TRPC6: variants seen among roughly 807,000 people sequenced by gnomAD.
TRPC6 encodes transient receptor potential cation channel subfamily C member 6.
A neutral mutation model predicts 90.7 loss-of-function variants in TRPC6; 55 were observed. The ratio of observed to expected loss-of-function variants is 0.61; its 90% CI spans 0.49 to 0.76. The LOEUF (loss-of-function observed/expected upper bound fraction) is 0.76, where lower values mean the gene tolerates loss of function less well. TRPC6 is among the 30% of genes least tolerant of loss of function. The pLI is 0.00. For synonymous variants in TRPC6, 393 were observed against 393.0 expected (o/e 1.00, Z 0.00); for missense variants, 989 against 1,122.7 (o/e 0.88, Z 1.70).
intron 1 of TRPC6, among the ~76,000 whole-genome samples, chr11:101,557,629 CA>C (rs1555012427): frequency 7.4e-6 from 1 of 134,578 alleles, no homozygotes; most frequent in African/African-American, 2.7e-5. Flanking sequence ...CACACACACA[CA>C]AAAAAAAACC....
At chr11:101,495,716 T>C (rs1355001210) in intron 2 of TRPC6, among the ~76,000 whole-genome samples, 2 of 151,472 alleles carry the variant, frequency 1.3e-5, no homozygotes, top group Non-Finnish European at 2.9e-5. Context: ...TAGAAAGTCA[T>C]GTTGGAATTC....
intron 1 of TRPC6, among the ~76,000 whole-genome samples, chr11:101,522,213 G>A (rs1860678709): frequency 1.3e-5 from 2 of 152,154 alleles, no homozygotes; most frequent in African/African-American, 4.8e-5. Flanking sequence ...CCTGGTAGGA[G>A]GTGATCAAAT....
chr11:101,570,708 CT>C (rs1861943590), intron 1 of TRPC6, among the ~76,000 whole-genome samples: 1 of 152,160 alleles, frequency 6.6e-6, no homozygotes, highest in Non-Finnish European at 1.5e-5. Flanking sequence ...GGATGCAAGG[CT>C]GGTTCAACAT....
intron 2 of TRPC6, among the ~76,000 whole-genome samples, chr11:101,498,682 G>C (rs1165489099): frequency 6.6e-6 from 1 of 152,150 alleles, no homozygotes; most frequent in Non-Finnish European, 1.5e-5. Context: ...CCCATTCTCT[G>C]TCATAAAATA....
intron 1 of TRPC6, among the ~76,000 whole-genome samples, chr11:101,515,039 G>A (rs1860485787): frequency 6.6e-6 from 1 of 152,190 alleles, no homozygotes; most frequent in East Asian, 1.9e-4. Context: ...ACAGCATCAA[G>A]GATAGCAGTT....
intron 1 of TRPC6, among the ~76,000 whole-genome samples, chr11:101,545,101 C>T (rs1861271691): frequency 6.6e-6 from 1 of 152,072 alleles, no homozygotes; most frequent in East Asian, 1.9e-4. Context: ...AGTCTTTATA[C>T]ACACACACAT....
At chr11:101,458,787 G>A (rs567996912) in intron 10 of TRPC6, among the ~76,000 whole-genome samples, 6 of 152,176 alleles carry the variant, frequency 3.9e-5, no homozygotes, top group Non-Finnish European at 7.4e-5. Flanking sequence ...GGTGCACCTG[G>A]AGCAGATGTG....
chr11:101,549,740 AAAAT>A (rs1159537989), intron 1 of TRPC6, among the ~76,000 whole-genome samples: 3 of 151,326 alleles, frequency 2.0e-5, no homozygotes, highest in Non-Finnish European at 4.4e-5. Context: ...AAAATGTCAA[AAAAT>A]AAATAAAATA....
intron 1 of TRPC6, 28 bp downstream of exon 1, chr11:101,583,306 C>A: frequency 1.3e-6 from 2 of 1,557,372 alleles, no homozygotes; most frequent in East Asian, 4.8e-5. Context: ...AGCCCGCGCC[C>A]GATCCGCCCC....
intron 4 of TRPC6, 76 bp from the exon 5 acceptor site, chr11:101,483,241 G>A: frequency 1.4e-6 from 2 of 1,407,076 alleles, no homozygotes; most frequent in Non-Finnish European, 2.0e-6. Context: ...ATACATGCAA[G>A]AATAAACATC....
intron 11 of TRPC6, among the ~76,000 whole-genome samples, chr11:101,454,613 T>C (rs1357389124): frequency 6.6e-6 from 1 of 151,526 alleles, no homozygotes; most frequent in Non-Finnish European, 1.5e-5. Context: ...GTATTATATA[T>C]GCATTTTATA....
Position 101,509,134 on chromosome 11 carries a change from TTC to T in TRPC6, c.171-4338_171-4337del, listed in dbSNP as rs201935557. On this transcript the variant is annotated intron_variant, in intron 1 of 12. Transcript: ENST00000344327. ...AATTGATGTAAGTTGTTTTGTCTTT[TTC>T]TTTTTTTTTTGAGACAGGATCTCGT... Among the ~76,000 whole-genome samples, 1,011 of 138,080 alleles carry T rather than the reference TTC, an allele frequency of 7.3e-3. 14 individuals are homozygous for T. Among genetic ancestry groups the T allele is most frequent in the African/African-American group, 0.024 (876 of 36,780 alleles). The allele number at this position is 138,080 out of a possible 152,430, so 90.6% of individuals were successfully genotyped here. A position where few individuals can be genotyped will look rare whatever the true frequency, so the allele number is the denominator to read the frequency against.
intron 10 of TRPC6, among the ~76,000 whole-genome samples, chr11:101,463,572 C>A (rs1859060089): frequency 6.6e-6 from 1 of 152,196 alleles, no homozygotes; most frequent in Non-Finnish European, 1.5e-5. Flanking sequence ...TCCATTTCTT[C>A]TAGATTTTCT....
chr11:101,507,669 C>T (rs1243663776), intron 1 of TRPC6, among the ~76,000 whole-genome samples: 2 of 152,040 alleles, frequency 1.3e-5, no homozygotes, highest in Non-Finnish European at 2.9e-5. Flanking sequence ...GGAGGCCTTG[C>T]TCTAATAAAT....
At chr11:101,538,902 C>T (rs1477104817) in intron 1 of TRPC6, among the ~76,000 whole-genome samples, 1 of 152,178 alleles carries the variant, frequency 6.6e-6, no homozygotes, top group Non-Finnish European at 1.5e-5. Flanking sequence ...ATTCTGCCAT[C>T]AGCCTGAATG....
intron 1 of TRPC6, among the ~76,000 whole-genome samples, chr11:101,568,465 C>G (rs1174050367): frequency 6.6e-6 from 1 of 152,088 alleles, no homozygotes; most frequent in Non-Finnish European, 1.5e-5. Flanking sequence ...GAGAACTTCC[C>G]CAACCTAGCA....
chr11:101,459,924 T>G (rs939350567), intron 10 of TRPC6, among the ~76,000 whole-genome samples: 1 of 152,198 alleles, frequency 6.6e-6, no homozygotes, highest in Non-Finnish European at 1.5e-5. Flanking sequence ...CTTTCCAATA[T>G]GCTTGTGTGA....
chr11:101,583,241 G>A, intron 1 of TRPC6, 93 bp downstream of exon 1: 2 of 1,488,046 alleles, frequency 1.3e-6, no homozygotes, highest in Admixed American at 2.1e-5. Flanking sequence ...CGCGGGTTCA[G>A]GACGCGCGCG....
intron 1 of TRPC6, among the ~76,000 whole-genome samples, chr11:101,550,267 AATT>A (rs1861422193): frequency 6.6e-6 from 1 of 151,600 alleles, no homozygotes; most frequent in Admixed American, 6.6e-5. Flanking sequence ...CTTTTATCAT[AATT>A]ATTATGAAGA....
Sources: gnomAD v4.1 joint callset for allele counts (sites outside exome capture counted in the v4.1 genomes callset) on GRCh38, gnomAD v4.1.1 for gene constraint, MANE v1.5 for transcripts, NCBI Gene and HGNC (gene_info 2026-07-23, HGNC 2026-07-21) for gene names.